The following C3orf70 variants were observed in gnomAD, a reference collection of about 807,000 sequenced individuals.
C3orf70 encodes the protein chromosome 3 open reading frame 70.
A neutral mutation model predicts 20.7 loss-of-function variants in C3orf70; 15 were observed. The ratio of observed to expected loss-of-function variants is 0.72; its 90% confidence interval spans 0.48 to 1.11. The LOEUF (loss-of-function observed/expected upper bound fraction) is 1.11. C3orf70 is among the 50% of genes most tolerant of loss of function. C3orf70 has a pLI of 0.00. For synonymous variants in C3orf70, 161 were observed against 125.7 expected, an observed-to-expected ratio of 1.28 and a Z score of -1.88; for missense variants, 332 against 317.6, an observed-to-expected ratio of 1.05 and a Z score of -0.34.
At chr3:185,097,667 C>T (rs1010508809) in intron 1 of C3orf70, among the ~76,000 whole-genome samples, 31 of 152,308 alleles carry the variant, frequency 2.0e-4, no homozygotes, top group African/African-American at 7.5e-4. Flanking sequence ...GATAATACAG[C>T]TCTTTTCCCA....
intron 1 of C3orf70, among the ~76,000 whole-genome samples, chr3:185,129,411 C>CT (rs1420620733): frequency 6.6e-6 from 1 of 152,112 alleles, no homozygotes; most frequent in Non-Finnish European, 1.5e-5. Context: ...TAATTTTGTT[C>CT]TTTTTTATGG....
At chr3:185,093,748 A>T (rs1715641208) in intron 1 of C3orf70, among the ~76,000 whole-genome samples, 1 of 151,290 alleles carries the variant, frequency 6.6e-6, no homozygotes, top group African/African-American at 2.4e-5. Flanking sequence ...AAGAAAGTAA[A>T]GTGATATGCC....
At chr3:185,146,115 T>G (rs1488545676) in intron 1 of C3orf70, among the ~76,000 whole-genome samples, 2 of 152,096 alleles carry the variant, frequency 1.3e-5, no homozygotes, top group South Asian at 2.1e-4. Context: ...TTTCTCTATC[T>G]CTGGAAGAAC....
At chr3:185,110,106 C>T (rs1561345078) in intron 1 of C3orf70, among the ~76,000 whole-genome samples, 1 of 152,140 alleles carries the variant, frequency 6.6e-6, no homozygotes, top group Non-Finnish European at 1.5e-5. Context: ...GGTATAGTGG[C>T]ACCTCAACCT....
intron 1 of C3orf70, among the ~76,000 whole-genome samples, chr3:185,143,189 G>A (rs963662656): frequency 6.6e-6 from 1 of 151,950 alleles, no homozygotes; most frequent in Non-Finnish European, 1.5e-5. Flanking sequence ...TTGGCATACC[G>A]ATATATTTTG....
rs987831699 is a variant in C3orf70 at position 185,082,497 on chromosome 3, C to G, written c.*510G>C. On this transcript the variant is annotated 3_prime_UTR_variant, in exon 2 of 2. Coordinates refer to ENST00000335012, the MANE Select transcript of C3orf70 (RefSeq NM_001025266.3). ...AGGCAGCTCTGATCCAGACCCAGTG[C>G]AGGTGTGGGGAGAAGGGGAAGGGAA... 2 of 158,162 alleles carry G rather than the reference C, an allele frequency of 1.3e-5. No individual in the cohort carries two copies. The highest frequency in any genetic ancestry group is 2.4e-5 in the African/African-American group (1 of 41,492). 9.8% of individuals were successfully genotyped at this position (158,162 alleles called of 1,614,324 possible). A position where few individuals can be genotyped will look rare whatever the true frequency, so the allele number is the denominator to read the frequency against.
At position 185,152,789 on chromosome 3, in the gene C3orf70, C is replaced by T; in HGVS notation, c.35G>A (p.Gly12Asp). Residue 12 changes from glycine to aspartate, a missense_variant, in exon 1 of 2, where the codon GGT (glycine) becomes GAT (aspartate). By Grantham distance (94) the Gly-to-Asp change is moderately conservative. Transcript: ENST00000335012. ...CTCATCTAGTTTCTCGCTCTTCCAA[C>T]CCCGCTCCGACGCCGGCGAGGCCGC... ...SAAASPASER[G>D]WKSEKLDEAQ... is the part of the protein sequence containing the mutation. 7 of 1,570,104 alleles carry T rather than the reference C, an allele frequency of 4.5e-6. No homozygotes were observed. The highest frequency in any genetic ancestry group is 6.1e-6 in the Non-Finnish European group (7 of 1,156,780).
rs1715388008 is a variant in C3orf70, at chr3:185,083,241, G to A, written c.519C>T (p.Ser173=). The change falls in exon 2 of 2, where the codon AGC becomes AGT. Residue 173 remains serine, a synonymous_variant. Transcript: ENST00000335012. ...SAHDALISKE[S]NTPKIDHCSS... ...AGCAGTGATCTATTTTTGGTGTATT[G>A]CTCTCTTTTGAAATTAAGGCATCGT... The A allele has an allele frequency of 6.2e-7, 1 of 1,614,182 alleles. No homozygotes were observed. Among genetic ancestry groups the A allele is most frequent in the Non-Finnish European group, 8.5e-7 (1 of 1,180,044 alleles).
At chr3:185,128,433 C>T (rs188162042) in intron 1 of C3orf70, among the ~76,000 whole-genome samples, 1 of 151,264 alleles carries the variant, frequency 6.6e-6, no homozygotes, top group African/African-American at 2.4e-5. Flanking sequence ...GAGGCTGAGG[C>T]AGGAGAATCG....
chr3:185,115,127 G>A (rs551479283), intron 1 of C3orf70, among the ~76,000 whole-genome samples: 22 of 147,702 alleles, frequency 1.5e-4, no homozygotes, highest in Middle Eastern at 3.4e-3. Context: ...TATTTTACAC[G>A]GTCTGGGATG....
At chr3:185,111,088 C>T (rs1192998359) in intron 1 of C3orf70, among the ~76,000 whole-genome samples, 1 of 152,060 alleles carries the variant, frequency 6.6e-6, no homozygotes, top group East Asian at 1.9e-4. Flanking sequence ...CTGTCTCACA[C>T]TAAGTACAAA....
chr3:185,102,961 G>C (rs1715850893), intron 1 of C3orf70, among the ~76,000 whole-genome samples: 1 of 151,890 alleles, frequency 6.6e-6, no homozygotes, highest in Non-Finnish European at 1.5e-5. Flanking sequence ...CTGGAAGACG[G>C]CCAGGCATGG....
intron 1 of C3orf70, among the ~76,000 whole-genome samples, chr3:185,143,857 T>C (rs1716804139): frequency 6.6e-6 from 1 of 152,174 alleles, no homozygotes; most frequent in Non-Finnish European, 1.5e-5. Context: ...ATGTGTGATA[T>C]ATATGATAGC....
rs1053290803 is a variant in C3orf70, at chr3:185,082,648, C to T, written c.*359G>A. On this transcript the variant is annotated 3_prime_UTR_variant, in exon 2 of 2. Transcript: ENST00000335012. ...AGAGTCTCTGTGAAGGACTGGCTACCGAGAAAACACCGGCTCCTTCCCTTT... is the reference window on the plus strand; with the variant it reads ...AGAGTCTCTGTGAAGGACTGGCTACTGAGAAAACACCGGCTCCTTCCCTTT... 21 of 233,490 alleles carry T rather than the reference C, an allele frequency of 9.0e-5. No individual in the cohort carries two copies. Among genetic ancestry groups the T allele is most frequent in the East Asian group, 5.4e-4 (5 of 9,316 alleles). The allele number at this position is 233,490 out of a possible 1,614,324, so 14.5% of individuals were successfully genotyped here. A position where few individuals can be genotyped will look rare whatever the true frequency, so the allele number is the denominator to read the frequency against.
intron 1 of C3orf70, among the ~76,000 whole-genome samples, chr3:185,141,598 T>C (rs1352545866): frequency 6.6e-6 from 1 of 152,040 alleles, no homozygotes; most frequent in Non-Finnish European, 1.5e-5. Context: ...TACTGATATA[T>C]CCAACAAACT....
intron 1 of C3orf70, among the ~76,000 whole-genome samples, chr3:185,128,325 C>T (rs1003947212): frequency 7.2e-5 from 11 of 152,080 alleles, no homozygotes; most frequent in African/African-American, 1.9e-4. Context: ...GTCAGGAGTT[C>T]GAGGCCAGTC....
intron 1 of C3orf70, among the ~76,000 whole-genome samples, chr3:185,141,958 A>C (rs1453650245): frequency 1.3e-5 from 2 of 152,204 alleles, no homozygotes; most frequent in Non-Finnish European, 1.5e-5. Flanking sequence ...CGGTTTCCTT[A>C]GAAAAATGAT....
chr3:185,142,673 G>T (rs541788384), intron 1 of C3orf70, among the ~76,000 whole-genome samples: 2 of 152,026 alleles, frequency 1.3e-5, no homozygotes, highest in Non-Finnish European at 2.9e-5. Context: ...TCACCCCACA[G>T]ATCACTCATT....
chr3:185,077,885 A>C lies in C3orf70; in HGVS notation c.*5122T>G, dbSNP rs1715232365. Reference sequence around the variant, plus strand: ...GTGACTCTGAGTAGATACTGCGGACAGTACAGTTTATCTGCACCTCATTGA... The same window carrying C: ...GTGACTCTGAGTAGATACTGCGGACCGTACAGTTTATCTGCACCTCATTGA... On this transcript the variant is annotated 3_prime_UTR_variant, in exon 2 of 2. Transcript: ENST00000335012. 6.6e-6 allele frequency among the ~76,000 whole-genome samples: 1 copy of C among 151,866 alleles called. No individual in the cohort carries two copies. The highest frequency in any genetic ancestry group is 1.5e-5 in the Non-Finnish European group (1 of 68,002).
Sources: allele counts gnomAD v4.1 joint callset (sites outside exome capture counted in the v4.1 genomes callset), GRCh38; gene constraint gnomAD v4.1.1; transcripts MANE v1.5; gene names NCBI Gene and HGNC (gene_info 2026-07-23, HGNC 2026-07-21).